Variants in TENM2 observed in about 807,000 individuals in gnomAD.
TENM2 encodes teneurin transmembrane protein 2, also known as teneurin-2.
In TENM2, 52 loss-of-function variants were observed where a neutral mutation model predicts 245.2. That is an observed-to-expected ratio of 0.21 (90% CI 0.17 to 0.27). The LOEUF is 0.27. Among genes scored for constraint, TENM2 ranks in the 10% least tolerant of loss-of-function variants. The pLI is 1.00. For synonymous variants in TENM2, 1,363 were observed against 1,438.9 expected (o/e 0.95, Z 1.19); for missense variants, 3,046 against 3,666.8 (o/e 0.83, Z 4.37).
At chr5:167,436,103 C>T (rs1219581448) in intron 2 of TENM2, among the ~76,000 whole-genome samples, 5 of 150,760 alleles carry the variant, frequency 3.3e-5, no homozygotes, top group Admixed American at 6.6e-5. Context: ...CTCAGCCTCC[C>T]GAGTAGCTGG....
At chr5:167,437,892 C>CT (rs1317184496) in intron 2 of TENM2, among the ~76,000 whole-genome samples, 1 of 152,170 alleles carries the variant, frequency 6.6e-6, no homozygotes, top group Non-Finnish European at 1.5e-5. Flanking sequence ...AATTAAACCT[C>CT]TTTCTTTTGT....
chr5:168,141,034 A>AGCTTTGCTACATAGTCCC (rs1334382639), intron 12 of TENM2, among the ~76,000 whole-genome samples: 3 of 151,840 alleles, frequency 2.0e-5, no homozygotes, highest in African/African-American at 7.3e-5. Context: ...TGGGTTCAAG[A>AGCTTTGCTACATAGTCCC]GCTTTGCTAC....
At chr5:167,457,014 T>C (rs192836332) in intron 2 of TENM2, among the ~76,000 whole-genome samples, 72 of 152,286 alleles carry the variant, frequency 4.7e-4, no homozygotes, top group Admixed American at 1.6e-3. Context: ...TTGAAGCAGA[T>C]GGCTTCTTCT....
chr5:168,073,080 A>C (rs539254464), intron 7 of TENM2, among the ~76,000 whole-genome samples: 11 of 152,296 alleles, frequency 7.2e-5, no homozygotes, highest in African/African-American at 2.6e-4. Context: ...ACCTGTGTGC[A>C]GCCCAAGCAC....
chr5:167,356,525 C>G (rs1298517774), intron 1 of TENM2, among the ~76,000 whole-genome samples: 1 of 152,188 alleles, frequency 6.6e-6, no homozygotes, highest in African/African-American at 2.4e-5. Flanking sequence ...AATGACTAAA[C>G]AGTTATTGAG....
intron 2 of TENM2, among the ~76,000 whole-genome samples, chr5:167,827,576 A>T (rs892936219): frequency 7.6e-6 from 1 of 131,746 alleles, no homozygotes; most frequent in Admixed American, 8.6e-5. Flanking sequence ...AAGGAACCAA[A>T]GTCATTAAAG....
chr5:168,049,872 G>C (rs988570793), intron 6 of TENM2, among the ~76,000 whole-genome samples: 2 of 152,078 alleles, frequency 1.3e-5, no homozygotes, highest in Non-Finnish European at 2.9e-5. Context: ...ATGCAATCTC[G>C]GCTCACTGCA....
chr5:168,095,388 C>T (rs1793280885), intron 8 of TENM2, among the ~76,000 whole-genome samples: 1 of 152,176 alleles, frequency 6.6e-6, no homozygotes, highest in Admixed American at 6.5e-5. Context: ...TTTGCATAAG[C>T]TATTCCTCTG....
chr5:168,136,436 C>T (rs1000284921), intron 12 of TENM2, among the ~76,000 whole-genome samples: 1 of 152,196 alleles, frequency 6.6e-6, no homozygotes, highest in Non-Finnish European at 1.5e-5. Context: ...CTTACAGGGA[C>T]TCCTACAGCA....
In TENM2 at chr5:167,830,314, A is replaced by C. The variant is rs144657456; in HGVS notation, c.503-45672A>C. Reference sequence around the variant, plus strand: ...TAGTATCCTTTAGAAGTTGCTTGATAATGTTTTTTTATCATTTTTTCTGCT... The same window carrying C: ...TAGTATCCTTTAGAAGTTGCTTGATCATGTTTTTTTATCATTTTTTCTGCT... On this transcript the variant is annotated intron_variant, in intron 2 of 28. Coordinates refer to ENST00000518659, the Ensembl canonical transcript of TENM2. Among the ~76,000 whole-genome samples the C allele has an allele frequency of 5.1e-3, 770 of 152,250 alleles. 7 individuals carry two copies. The highest frequency in any genetic ancestry group is 0.018 in the African/African-American group (732 of 41,526).
rs78093480 is a variant in TENM2, at chr5:168,207,518, C to A, written c.3824+2897C>A. ...TGTTCTTACTTTCATCAGCCAGGTA[C>A]CCAGAGCCGATTAGAAGTTAAGCTT... is the stretch of plus-strand genomic sequence containing the variant. On this transcript the variant is annotated intron_variant, in intron 19 of 28. Transcript: ENST00000518659. Among the ~76,000 whole-genome samples, 490 of 152,292 alleles carry A rather than the reference C, an allele frequency of 3.2e-3. 11 individuals carry two copies. The East Asian group carries it at 0.061, about 19-fold the overall frequency.
At chr5:168,047,613 G>A in intron 6 of TENM2, 64 bp downstream of exon 8, 4 of 1,517,062 alleles carry the variant, frequency 2.6e-6, no homozygotes, top group Admixed American at 4.5e-5. Flanking sequence ...CTCGCCAGCT[G>A]GTTCAGGTTT....
the TENM2 span, among the ~76,000 whole-genome samples, chr5:167,241,030 C>A: frequency 6.6e-6 from 1 of 152,084 alleles, no homozygotes; most frequent in Non-Finnish European, 1.5e-5. Flanking sequence ...AATAGATCAC[C>A]ACCTTTCCCT....
At chr5:168,199,308 G>A (rs1761735240) in intron 16 of TENM2, among the ~76,000 whole-genome samples, 194 bp downstream of exon 18, 1 of 152,224 alleles carries the variant, frequency 6.6e-6, no homozygotes, top group Non-Finnish European at 1.5e-5. Context: ...GCAGATAGTC[G>A]TTCAAGACTT....
chr5:167,650,508 T>C (rs1345929694), intron 2 of TENM2, among the ~76,000 whole-genome samples: 1 of 152,160 alleles, frequency 6.6e-6, no homozygotes, highest in Non-Finnish European at 1.5e-5. Flanking sequence ...AACTAGGGCT[T>C]TAAGACTCAT....
At chr5:168,243,259 GTC>G (rs1190809949) in intron 25 of TENM2, among the ~76,000 whole-genome samples, 1 of 152,190 alleles carries the variant, frequency 6.6e-6, no homozygotes, top group Non-Finnish European at 1.5e-5. Flanking sequence ...CCAGAGTCTA[GTC>G]TCCCAGCTCT....
chr5:167,336,755 T>C lies in TENM2; in HGVS notation c.227-38443T>C, dbSNP rs576748865. On this transcript the variant is annotated intron_variant, in intron 1 of 28. Transcript: ENST00000518659. Reference sequence around the variant, plus strand: ...GTGCTGACATAATGATGAAAGGAAATGCTAATTAGAGCATTTGGATTTTCA... The same window carrying C: ...GTGCTGACATAATGATGAAAGGAAACGCTAATTAGAGCATTTGGATTTTCA... Among the ~76,000 whole-genome samples, 17 of 151,792 alleles carry C rather than the reference T, an allele frequency of 1.1e-4. No individual in the cohort carries two copies. In the South Asian group the frequency reaches 3.5e-3, roughly 32 times the overall value.
intron 2 of TENM2, among the ~76,000 whole-genome samples, chr5:167,807,636 AAAAG>A (rs199535526): frequency 5.3e-5 from 7 of 132,646 alleles, no homozygotes; most frequent in Non-Finnish European, 8.2e-5. Flanking sequence ...AAAAAAAAAA[AAAAG>A]AGACAGAACC....
In TENM2 at chr5:167,399,955, G is replaced by A. The variant is rs185849448; in HGVS notation, c.502+24482G>A. Among the ~76,000 whole-genome samples the A allele has an allele frequency of 2.8e-4, 42 of 152,070 alleles. 1 individual carries two copies. The South Asian group carries it at 7.1e-3, about 26-fold the overall frequency. ...TTCAGAGCTCTTACATGGTATGATCGGGAAATAAAGAAATAGTGGAGTGAG... is the reference window on the plus strand; with the variant it reads ...TTCAGAGCTCTTACATGGTATGATCAGGAAATAAAGAAATAGTGGAGTGAG... On this transcript the variant is annotated intron_variant, in intron 2 of 28. Coordinates refer to ENST00000518659, the Ensembl canonical transcript of TENM2.
Sources: allele counts gnomAD v4.1 joint callset (sites outside exome capture counted in the v4.1 genomes callset), GRCh38; gene constraint gnomAD v4.1.1; transcripts MANE v1.5; gene names NCBI Gene and HGNC (gene_info 2026-07-23, HGNC 2026-07-21).